Variants in RABGAP1L observed in about 807,000 individuals in gnomAD.
RABGAP1L encodes RAB GTPase activating protein 1 like.
A neutral mutation model predicts 137.7 loss-of-function variants in RABGAP1L; 63 were observed. The ratio of observed to expected loss-of-function variants is 0.46; its 90% CI spans 0.37 to 0.56. The LOEUF is 0.56. RABGAP1L is among the 20% of genes least tolerant of loss of function. The pLI is 0.00. For missense variants in RABGAP1L, 1,095 were observed against 1,244.0 expected (o/e 0.88, Z 1.80); for synonymous variants, 431 against 433.7 (o/e 0.99, Z 0.08).
chr1:174,537,550 G>T (rs937161395), intron 13 of RABGAP1L, among the ~76,000 whole-genome samples: 1 of 152,184 alleles, frequency 6.6e-6, no homozygotes, highest in Non-Finnish European at 1.5e-5. Flanking sequence ...CAGAAGAGGT[G>T]CTTAATAAAT....
intron 18 of RABGAP1L, chr1:174,800,408 G>A (rs866226913): frequency 1.0e-5 from 16 of 1,550,662 alleles, no homozygotes; most frequent in African/African-American, 2.7e-5. Context: ...GGACATGCAC[G>A]ACGAGAGGAG....
At chr1:174,315,680 C>G (rs1679313510) in intron 11 of RABGAP1L, among the ~76,000 whole-genome samples, 1 of 130,280 alleles carries the variant, frequency 7.7e-6, no homozygotes, top group Non-Finnish European at 1.6e-5. Flanking sequence ...AGGATCTTTT[C>G]TTTATCCTTA....
chr1:174,971,784 G>T (rs1169430441), intron 21 of RABGAP1L, among the ~76,000 whole-genome samples: 2 of 152,196 alleles, frequency 1.3e-5, no homozygotes, highest in African/African-American at 4.8e-5. Context: ...CACCTAGTTT[G>T]CCCAGTACTT....
chr1:174,166,081 A>G (rs1206990136), intron 1 of RABGAP1L, among the ~76,000 whole-genome samples: 1 of 152,216 alleles, frequency 6.6e-6, no homozygotes. Flanking sequence ...TTTATATGTT[A>G]TGATTAAAAT....
At chr1:174,716,923 TCTC>T (rs1681069032) in intron 17 of RABGAP1L, among the ~76,000 whole-genome samples, 1 of 152,174 alleles carries the variant, frequency 6.6e-6, no homozygotes, top group African/African-American at 2.4e-5. Context: ...GTGTAGTTGT[TCTC>T]CTAACATCCC....
At chr1:174,486,053 C>T (rs1217587024) in intron 13 of RABGAP1L, among the ~76,000 whole-genome samples, 1 of 151,920 alleles carries the variant, frequency 6.6e-6, no homozygotes, top group Non-Finnish European at 1.5e-5. Flanking sequence ...CTTCCTTGTT[C>T]ACTCTTGGTA....
In RABGAP1L at chr1:174,448,622, C is replaced by G. The variant is rs1399977412; in HGVS notation, c.1710+54477C>G. 1.2e-6 allele frequency: 2 copies of G among 1,613,908 alleles called. No individual in the cohort carries two copies. Among genetic ancestry groups the G allele is most frequent in the East Asian group, 2.2e-5 (1 of 44,876 alleles). ...TATTTTGATCTGGATCTACTCCTGC[C>G]TAATTTTCTTGCCTTCCTTTTTTGG... On this transcript the variant is annotated intron_variant, in intron 13 of 25. Coordinates refer to ENST00000681986, the MANE Select transcript of RABGAP1L (RefSeq NM_001366446.1). The surrounding 1 kb of genome is among the most constrained non-coding windows in gnomAD (Gnocchi z 4.2).
intron 13 of RABGAP1L, among the ~76,000 whole-genome samples, chr1:174,419,096 T>C (rs1650954151): frequency 6.6e-6 from 1 of 152,208 alleles, no homozygotes; most frequent in African/African-American, 2.4e-5. Flanking sequence ...CCTCTCTTCA[T>C]TCAAGTCTTG....
chr1:174,404,262 G>T (rs1443269019), intron 13 of RABGAP1L, among the ~76,000 whole-genome samples: 1 of 152,166 alleles, frequency 6.6e-6, no homozygotes, highest in African/African-American at 2.4e-5. Flanking sequence ...GAGAATATCT[G>T]AGGTGGGACT....
At chr1:174,984,422 T>C (rs182920963) in intron 24 of RABGAP1L, among the ~76,000 whole-genome samples, 2 of 152,294 alleles carry the variant, frequency 1.3e-5, no homozygotes, top group East Asian at 3.9e-4. Flanking sequence ...TACATGCAAA[T>C]TAAGAACTTC....
intron 19 of RABGAP1L, among the ~76,000 whole-genome samples, chr1:174,939,798 A>G (rs889306865): frequency 1.3e-5 from 2 of 152,192 alleles, no homozygotes; most frequent in Non-Finnish European, 2.9e-5. Context: ...TTTTCCACTT[A>G]TCAGCTCTGT....
intron 13 of RABGAP1L, among the ~76,000 whole-genome samples, chr1:174,618,348 A>G (rs1406695295): frequency 6.6e-6 from 1 of 152,142 alleles, no homozygotes; most frequent in African/African-American, 2.4e-5. Context: ...TGCCTCCTCA[A>G]GTGGGTCTCT....
At chr1:174,354,844 G>T (rs1033775174) in intron 11 of RABGAP1L, among the ~76,000 whole-genome samples, 1 of 152,184 alleles carries the variant, frequency 6.6e-6, no homozygotes, top group African/African-American at 2.4e-5. Flanking sequence ...TGTATAAGGT[G>T]TAAGGAAGGG....
chr1:174,658,668 C>T (rs921375861), intron 14 of RABGAP1L, among the ~76,000 whole-genome samples: 71 of 152,110 alleles, frequency 4.7e-4, no homozygotes, highest in Non-Finnish European at 7.6e-4. Context: ...CCACCCACAT[C>T]CCCACCTGGG....
intron 13 of RABGAP1L, among the ~76,000 whole-genome samples, chr1:174,578,067 T>C (rs913998672): frequency 6.6e-6 from 1 of 152,238 alleles, no homozygotes; most frequent in Non-Finnish European, 1.5e-5. Context: ...ATAAGTATAG[T>C]GGTAAAATGA....
At chr1:174,512,575 C>G (rs1662449906) in intron 13 of RABGAP1L, among the ~76,000 whole-genome samples, 1 of 152,208 alleles carries the variant, frequency 6.6e-6, no homozygotes, top group African/African-American at 2.4e-5. Context: ...AATGTATCAT[C>G]TTGCCATGTA....
intron 13 of RABGAP1L, among the ~76,000 whole-genome samples, chr1:174,460,992 A>T (rs1191180272): frequency 6.6e-6 from 1 of 152,140 alleles, no homozygotes; most frequent in Non-Finnish European, 1.5e-5. Flanking sequence ...TTGTTATCTC[A>T]CAATTTACTC....
At chr1:174,861,944 T>C (rs939542216) in intron 19 of RABGAP1L, among the ~76,000 whole-genome samples, 69 of 152,324 alleles carry the variant, frequency 4.5e-4, no homozygotes, top group African/African-American at 1.6e-3. Context: ...TGTGCAGAGC[T>C]TTTTAGTTTG....
intron 11 of RABGAP1L, among the ~76,000 whole-genome samples, chr1:174,357,929 C>G (rs1169992553): frequency 2.0e-5 from 3 of 152,228 alleles, no homozygotes; most frequent in Non-Finnish European, 2.9e-5. Context: ...CATATAGTAA[C>G]TTGCTTATTT....
Sources: allele counts gnomAD v4.1 joint callset (sites outside exome capture counted in the v4.1 genomes callset), GRCh38; gene constraint gnomAD v4.1.1; non-coding constraint Gnocchi (gnomAD v3.1); transcripts MANE v1.5; gene names NCBI Gene and HGNC (gene_info 2026-07-23, HGNC 2026-07-21).